Variants in FRMD4A observed in about 807,000 individuals in gnomAD.
FRMD4A encodes the protein FERM domain-containing protein 4A.
Under a neutral mutation model 129.1 loss-of-function variants are expected in FRMD4A, and 29 were observed. The ratio of observed to expected loss-of-function variants is 0.22; its 90% CI spans 0.17 to 0.31. The LOEUF is 0.31. Ranked by LOEUF, FRMD4A falls within the 10% of genes least tolerant of loss-of-function variation. FRMD4A has a pLI of 1.00. For synonymous variants in FRMD4A, 634 were observed against 571.6 expected, an observed-to-expected ratio of 1.11 and a Z score of -1.56; for missense variants, 1,272 against 1,375.8, an observed-to-expected ratio of 0.92 and a Z score of 1.19.
intron 2 of FRMD4A, among the ~76,000 whole-genome samples, chr10:14,125,431 A>G (rs1447107908): frequency 6.6e-6 from 1 of 152,146 alleles, no homozygotes; most frequent in Non-Finnish European, 1.5e-5. Flanking sequence ...ACATTCAGAG[A>G]CACAGTCACC....
intron 2 of FRMD4A, among the ~76,000 whole-genome samples, chr10:14,159,773 G>T (rs1840787106): frequency 6.6e-6 from 1 of 152,222 alleles, no homozygotes; most frequent in Non-Finnish European, 1.5e-5. Context: ...ATGCTGGCTG[G>T]GCACAGTGAC....
intron 16 of FRMD4A, 118 bp downstream of exon 16, chr10:13,674,793 T>C: frequency 8.6e-7 from 1 of 1,159,994 alleles, no homozygotes; most frequent in Non-Finnish European, 1.3e-6. Flanking sequence ...CCTTGCCTTC[T>C]GTCAAAACGA....
At chr10:14,234,333 A>G (rs1843730894) in intron 2 of FRMD4A, among the ~76,000 whole-genome samples, 1 of 152,150 alleles carries the variant, frequency 6.6e-6, no homozygotes. Context: ...GCCACCCATC[A>G]CACTGACCAA....
intron 2 of FRMD4A, among the ~76,000 whole-genome samples, chr10:14,208,027 T>C (rs1589167722): frequency 6.6e-6 from 1 of 151,906 alleles, no homozygotes; most frequent in Non-Finnish European, 1.5e-5. Context: ...TGAGACTTCA[T>C]CTCTACAGAA....
intron 2 of FRMD4A, among the ~76,000 whole-genome samples, chr10:14,062,884 G>A (rs551590252): frequency 6.6e-6 from 1 of 152,268 alleles, no homozygotes; most frequent in East Asian, 1.9e-4. Context: ...ATGGATGGTG[G>A]GTGGGCAACC....
intron 2 of FRMD4A, among the ~76,000 whole-genome samples, chr10:14,001,966 TAGAG>T (rs1266041991): frequency 6.6e-6 from 1 of 152,222 alleles, no homozygotes; most frequent in African/African-American, 2.4e-5. Context: ...CACTCAACGA[TAGAG>T]ACTCTGTTGT....
At chr10:14,185,531 A>G (rs574205202) in intron 2 of FRMD4A, among the ~76,000 whole-genome samples, 9 of 152,338 alleles carry the variant, frequency 5.9e-5, no homozygotes, top group South Asian at 4.1e-4. Flanking sequence ...TTGTAGAACT[A>G]TGGAAACTTG....
At position 14,209,075 on chromosome 10, in the gene FRMD4A, G is replaced by A. The variant is rs80013362; in HGVS notation, c.45+120983C>T. Among the ~76,000 whole-genome samples, 784 of 152,170 alleles carry A rather than the reference G, an allele frequency of 5.2e-3. 11 individuals carry two copies. The highest frequency in any genetic ancestry group is 0.018 in the African/African-American group (738 of 41,548). On this transcript the variant is annotated intron_variant, in intron 2 of 24. Transcript: ENST00000357447. ...CCAAGGCCACAGTAAATGCAGGGTT[G>A]AAGGATTCCTCCCGGAATCCTTCCT...
intron 5 of FRMD4A, among the ~76,000 whole-genome samples, chr10:13,790,475 C>T (rs1444456770): frequency 6.6e-6 from 1 of 152,152 alleles, no homozygotes; most frequent in Non-Finnish European, 1.5e-5. Context: ...CAAGACACGA[C>T]CTCGTGGACA....
In FRMD4A at chr10:13,884,176, T is replaced by TCA. The variant is rs1368255816; in HGVS notation, c.46-25266_46-25265dup. Among the ~76,000 whole-genome samples, 70 of 31,160 alleles carry TCA rather than the reference T, an allele frequency of 2.2e-3. 1 individual carries two copies. Among genetic ancestry groups the TCA allele is most frequent in the African/African-American group, 6.0e-3 (67 of 11,100 alleles). 20.4% of individuals were successfully genotyped at this position (31,160 alleles called of 152,430 possible). A position where few individuals can be genotyped will look rare whatever the true frequency, so the allele number is the denominator to read the frequency against. On this transcript the variant is annotated intron_variant, in intron 2 of 24. Coordinates refer to ENST00000357447, the MANE Select transcript of FRMD4A (RefSeq NM_018027.5). ...CACTCTCACACACACACTCACACAC[T>TCA]CACACACACACACACACACTCACAC...
At chr10:14,090,348 T>C (rs1052958777) in intron 2 of FRMD4A, among the ~76,000 whole-genome samples, 4 of 152,064 alleles carry the variant, frequency 2.6e-5, no homozygotes, top group African/African-American at 9.7e-5. Flanking sequence ...AGTGGGAGGA[T>C]GATTAGGAGC....
At chr10:14,283,785 G>A (rs763964622) in intron 2 of FRMD4A, among the ~76,000 whole-genome samples, 8 of 152,156 alleles carry the variant, frequency 5.3e-5, no homozygotes, top group Non-Finnish European at 1.2e-4. Context: ...ATACCCAATC[G>A]TGGGCAAGTT....
chr10:14,317,134 C>T (rs1250575165), intron 2 of FRMD4A, among the ~76,000 whole-genome samples: 1 of 152,192 alleles, frequency 6.6e-6, no homozygotes, highest in African/African-American at 2.4e-5. Context: ...TACATCTGCA[C>T]TCTGATCATG....
At chr10:14,295,703 C>A (rs538533327) in intron 2 of FRMD4A, among the ~76,000 whole-genome samples, 53 of 152,234 alleles carry the variant, frequency 3.5e-4, no homozygotes, top group African/African-American at 1.2e-3. Context: ...CTGGCTCTCC[C>A]TTAGGTGGAG....
At chr10:14,141,905 G>A (rs116793355) in intron 2 of FRMD4A, among the ~76,000 whole-genome samples, 137 of 152,188 alleles carry the variant, frequency 9.0e-4, no homozygotes, top group African/African-American at 2.9e-3. Flanking sequence ...GATGCCTGGC[G>A]TAGTGACTGA....
chr10:14,263,452 G>A (rs1002560223), intron 2 of FRMD4A, among the ~76,000 whole-genome samples: 1 of 152,166 alleles, frequency 6.6e-6, no homozygotes, highest in African/African-American at 2.4e-5. Context: ...ATTTCAAGAA[G>A]TGCATCCATT....
At chr10:13,943,289 G>C (rs1163385587) in intron 2 of FRMD4A, among the ~76,000 whole-genome samples, 1 of 152,122 alleles carries the variant, frequency 6.6e-6, no homozygotes, top group Non-Finnish European at 1.5e-5. Context: ...ATAGACCCAG[G>C]CCTGGTGGGA....
intron 13 of FRMD4A, among the ~76,000 whole-genome samples, chr10:13,706,484 A>G (rs1052743609): frequency 3.3e-5 from 5 of 152,128 alleles, no homozygotes; most frequent in African/African-American, 4.8e-5. Context: ...GGAGGGAAAA[A>G]TAATTTCATT....
chr10:13,867,562 A>C (rs898203843), intron 2 of FRMD4A, among the ~76,000 whole-genome samples: 2 of 143,834 alleles, frequency 1.4e-5, no homozygotes, highest in African/African-American at 5.1e-5. Flanking sequence ...CTTTCAGCCC[A>C]TATAGATATA....
Sources: allele counts gnomAD v4.1 joint callset (sites outside exome capture counted in the v4.1 genomes callset), GRCh38; gene constraint gnomAD v4.1.1; transcripts MANE v1.5; gene names NCBI Gene and HGNC (gene_info 2026-07-23, HGNC 2026-07-21).